PDIA4: variants seen among roughly 807,000 people sequenced by gnomAD.
PDIA4 encodes the protein protein disulfide-isomerase A4.
Under a neutral mutation model 62.1 loss-of-function variants are expected in PDIA4, and 33 were observed. The observed-to-expected ratio is 0.53, with a 90% CI of 0.40 to 0.71. The LOEUF (loss-of-function observed/expected upper bound fraction) is 0.71. PDIA4 is among the 30% of genes least tolerant of loss of function. The pLI is 0.00. For synonymous variants in PDIA4, 341 were observed against 324.1 expected, an observed-to-expected ratio of 1.05 and a Z score of -0.56; for missense variants, 804 against 813.6, an observed-to-expected ratio of 0.99 and a Z score of 0.14.
chr7:149,003,712 G>A lies in PDIA4; in HGVS notation c.*82C>T. 2 of 839,616 alleles carry A rather than the reference G, an allele frequency of 2.4e-6. No individual in the cohort carries two copies. Among genetic ancestry groups the A allele is most frequent in the Non-Finnish European group, 1.8e-6 (1 of 568,062 alleles). 52.0% of individuals were successfully genotyped at this position (839,616 alleles called of 1,614,324 possible). A position where few individuals can be genotyped will look rare whatever the true frequency, so the allele number is the denominator to read the frequency against. Reference sequence around the variant, plus strand: ...AAAGGAATCCGAGATACTGTCGTTTGTTGCCGGCCTCGGCGTGGACGCCCC... The same window carrying A: ...AAAGGAATCCGAGATACTGTCGTTTATTGCCGGCCTCGGCGTGGACGCCCC... On this transcript the variant is annotated 3_prime_UTR_variant, in exon 10 of 10. Coordinates refer to ENST00000652332, the MANE Select transcript of PDIA4 (RefSeq NM_004911.5).
intron 2 of PDIA4, among the ~76,000 whole-genome samples, chr7:149,020,133 GTAT>G (rs1333956537): frequency 2.0e-5 from 3 of 152,078 alleles, no homozygotes; most frequent in Non-Finnish European, 4.4e-5. Context: ...CCTAATTTTT[GTAT>G]TTTTAGTAGA....
intron 9 of PDIA4, among the ~76,000 whole-genome samples, chr7:149,004,797 G>A (rs1563118559): frequency 1.3e-5 from 2 of 152,240 alleles, no homozygotes; most frequent in South Asian, 4.1e-4. Context: ...GCACATCAGC[G>A]CTGGAAATGT....
intron 3 of PDIA4, among the ~76,000 whole-genome samples, chr7:149,016,298 T>C (rs1038002567): frequency 2.6e-5 from 4 of 152,176 alleles, no homozygotes; most frequent in Admixed American, 6.5e-5. Flanking sequence ...AGACTCCATC[T>C]AAAATAAAGA....
chr7:149,004,775 T>G (rs1244635616), intron 9 of PDIA4, among the ~76,000 whole-genome samples: 2 of 152,162 alleles, frequency 1.3e-5, no homozygotes, highest in African/African-American at 2.4e-5. Flanking sequence ...CCGGCCCTAG[T>G]CTGGAATTTT....
At chr7:149,027,831 A>G (rs1179466894) in intron 1 of PDIA4, 2 of 471,960 alleles carry the variant, frequency 4.2e-6, no homozygotes. Context: ...TGGATTAATC[A>G]TTTCCAAATC....
At chr7:149,025,992 G>A (rs767506562) in intron 1 of PDIA4, among the ~76,000 whole-genome samples, 54 of 152,082 alleles carry the variant, frequency 3.6e-4, no homozygotes, top group Non-Finnish European at 1.3e-4. Context: ...AACCATCAGA[G>A]CTTAGGGTGT....
Position 149,019,192 on chromosome 7 carries a change from C to T in PDIA4, c.275G>A (p.Gly92Glu). The T allele has an allele frequency of 2.5e-6, 4 of 1,610,234 alleles. No homozygotes were observed. Among genetic ancestry groups the T allele is most frequent in the Non-Finnish European group, 3.4e-6 (4 of 1,176,514 alleles). ...TTCCGGAGCAAACTGCTTGCAATGTCCACACCTAACAATTAGATTAGGAAG... is the reference window on the plus strand; with the variant it reads ...TTCCGGAGCAAACTGCTTGCAATGTTCACACCTAACAATTAGATTAGGAAG... Reference protein sequence around the residue: ...VLLEFYAPWCGHCKQFAPEYE... With the variant: ...VLLEFYAPWCEHCKQFAPEYE... Residue 92 changes from glycine (G) to glutamate (E), a missense_variant, in exon 3 of 10, where the codon GGA becomes GAA. Transcript: ENST00000652332.
chr7:149,011,764 C>T, intron 6 of PDIA4, 82 bp downstream of exon 6: 1 of 1,186,234 alleles, frequency 8.4e-7, no homozygotes, highest in Non-Finnish European at 1.2e-6. Context: ...AATGGATGTC[C>T]CAGGAGCTTT....
intron 2 of PDIA4, 89 bp downstream of exon 2, chr7:149,020,878 A>AC (rs1824321540): frequency 1.3e-6 from 2 of 1,514,358 alleles, no homozygotes; most frequent in South Asian, 2.6e-5. Flanking sequence ...CTCCTACCCC[A>AC]CCCCCCAAGG....
At chr7:149,008,863 AC>A (rs1823848970) in intron 6 of PDIA4, among the ~76,000 whole-genome samples, 1 of 152,208 alleles carries the variant, frequency 6.6e-6, no homozygotes, top group African/African-American at 2.4e-5. Flanking sequence ...ACAGTGGCTC[AC>A]GCCTGTAATC....
At position 149,023,877 on chromosome 7, in the gene PDIA4, T is replaced by C. The variant is rs1468488034; in HGVS notation, c.89-2730A>G. On this transcript the variant is annotated intron_variant, in intron 1 of 9. Coordinates refer to ENST00000652332, the MANE Select transcript of PDIA4 (RefSeq NM_004911.5). ...ACATTACAATGTGACAGAGCTCTCA[T>C]GATTAAGTGGGAGCTGACTAGTCAC... Among the ~76,000 whole-genome samples the C allele has an allele frequency of 4.6e-5, 7 of 152,316 alleles. No homozygotes were observed. In the East Asian group the frequency reaches 1.4e-3, roughly 29 times the overall value.
intron 1 of PDIA4, among the ~76,000 whole-genome samples, chr7:149,022,566 T>C (rs1824391778): frequency 6.6e-6 from 1 of 152,144 alleles, no homozygotes; most frequent in South Asian, 2.1e-4. Context: ...TATTCTTTTC[T>C]GGAGATGTGT....
Position 149,011,853 on chromosome 7 carries a change from C to G in PDIA4, c.972G>C (p.Gln324His), listed in dbSNP as rs1823955440. The G allele has an allele frequency of 1.3e-6, 2 of 1,567,608 alleles. No individual in the cohort carries two copies. Among genetic ancestry groups the G allele is most frequent in the African/African-American group, 2.7e-5 (2 of 73,518 alleles). ...GESDPAYQQY[Q>H]DAANNLREDY... ...CAGAGGGCCACAACTCACCGGCATC[C>G]TGGTATTGCTGGTAGGCTGGGTCAC... The change falls in exon 6 of 10, where the codon CAG becomes CAC. Residue 324 changes from glutamine to histidine, a missense_variant. Gln to His is a conservative substitution (Grantham distance 24). Coordinates refer to ENST00000652332, the MANE Select transcript of PDIA4 (RefSeq NM_004911.5).
intron 4 of PDIA4, 43 bp downstream of exon 4, chr7:149,014,861 C>T (rs767743956): frequency 1.9e-6 from 3 of 1,602,520 alleles, no homozygotes; most frequent in Admixed American, 3.4e-5. Flanking sequence ...CACCTAGTGC[C>T]CACCAGGGTA....
chr7:149,014,820 CCTG>C, intron 4 of PDIA4, 81 bp downstream of exon 4: 1 of 1,357,960 alleles, frequency 7.4e-7, no homozygotes, highest in Non-Finnish European at 1.0e-6. Flanking sequence ...CTCTGCTGTT[CCTG>C]CCTCACGGGC....
rs1047555862 is a variant in PDIA4 at position 149,018,979 on chromosome 7, G to A, written c.475+13C>T. The A allele has an allele frequency of 5.0e-6, 8 of 1,594,736 alleles. No individual in the cohort carries two copies. In the African/African-American group the frequency reaches 1.1e-4, roughly 21 times the overall value. On this transcript the variant is annotated intron_variant, in intron 3 of 9. Coordinates refer to ENST00000652332, the MANE Select transcript of PDIA4 (RefSeq NM_004911.5). ...AAGGAGTTCTTCCTCTACGAGCTCAGGTACCAGCTCACCTTCCTGGGTTCT... is the reference window on the plus strand; with the variant it reads ...AAGGAGTTCTTCCTCTACGAGCTCAAGTACCAGCTCACCTTCCTGGGTTCT...
intron 2 of PDIA4, among the ~76,000 whole-genome samples, chr7:149,020,219 C>G (rs1467560509): frequency 2.0e-5 from 3 of 152,170 alleles, no homozygotes; most frequent in Non-Finnish European, 4.4e-5. Flanking sequence ...CCTTGGCCTC[C>G]CAAAGTGCTG....
chr7:149,005,377 G>C lies in PDIA4; in HGVS notation c.1289-3C>G. On this transcript the variant is annotated splice_region_variant and splice_polypyrimidine_tract_variant and intron_variant, in intron 8 of 9. Transcript: ENST00000652332. ...TTTGCTCCGCCAAAACTGAGTTGCTGAAAGGGACCAAGGGCCATAAGCCAG... is the reference window on the plus strand; with the variant it reads ...TTTGCTCCGCCAAAACTGAGTTGCTCAAAGGGACCAAGGGCCATAAGCCAG... 6.2e-7 allele frequency: 1 copy of C among 1,607,490 alleles called. No individual in the cohort carries two copies. The highest frequency in any genetic ancestry group is 8.5e-7 in the Non-Finnish European group (1 of 1,174,016).
At chr7:149,021,914 AGGG>A (rs1824366797) in intron 1 of PDIA4, among the ~76,000 whole-genome samples, 2 of 152,124 alleles carry the variant, frequency 1.3e-5, no homozygotes, top group Non-Finnish European at 2.9e-5. Context: ...TCTGCATTTC[AGGG>A]CACCGCATTT....
Sources: allele counts gnomAD v4.1 joint callset (sites outside exome capture counted in the v4.1 genomes callset), GRCh38; gene constraint gnomAD v4.1.1; transcripts MANE v1.5; gene names NCBI Gene and HGNC (gene_info 2026-07-23, HGNC 2026-07-21).